MMP26: variants seen among roughly 807,000 people sequenced by gnomAD.
The protein encoded by MMP26 is matrix metallopeptidase 26.
A neutral mutation model predicts 31.0 loss-of-function variants in MMP26; 33 were observed. That is an observed-to-expected ratio of 1.06 (90% CI 0.81 to 1.42). The LOEUF (loss-of-function observed/expected upper bound fraction) is 1.42, where lower values mean the gene tolerates loss of function less well. Ranked by LOEUF, MMP26 falls within the 40% of genes most tolerant of loss-of-function variation. The pLI, the probability that MMP26 is intolerant of heterozygous loss-of-function variation, is 0.00. For synonymous variants in MMP26, 122 were observed against 114.9 expected (o/e 1.06, Z -0.40); for missense variants, 347 against 316.1 (o/e 1.10, Z -0.74).
At position 4,986,936 on chromosome 11, in the gene MMP26, T is replaced by TCC. The variant is rs1564819744; in HGVS notation, c.-144-1131_-144-1130insCC. 8.4e-4 allele frequency among the ~76,000 whole-genome samples: 95 copies of TCC among 113,100 alleles called. 2 individuals carry two copies. The highest frequency in any genetic ancestry group is 2.4e-3 in the East Asian group (6 of 2,510). The allele number at this position is 113,100 out of a possible 152,430, so 74.2% of individuals were successfully genotyped here. On this transcript the variant is annotated intron_variant, in intron 2 of 7. Transcript: ENST00000380390. ...CTCTCTCTCTCTCTCTCTCTCCCTCTCTCTCTCTCTCTCTCTCTCTCTCCC... is the reference window on the plus strand; with the variant it reads ...CTCTCTCTCTCTCTCTCTCTCCCTCTCCCTCTCTCTCTCTCTCTCTCTCTCCC...
At chr11:4,765,998 T>C (rs1848623918) in intron 1 of MMP26, among the ~76,000 whole-genome samples, 1 of 152,232 alleles carries the variant, frequency 6.6e-6, no homozygotes, top group Non-Finnish European at 1.5e-5. Context: ...TTGGTGTTCT[T>C]GTTAAGGTGT....
intron 2 of MMP26, among the ~76,000 whole-genome samples, chr11:4,987,206 A>T (rs921791981): frequency 2.7e-4 from 41 of 151,448 alleles, no homozygotes; most frequent in African/African-American, 9.7e-4. Flanking sequence ...CTAAGGTAAT[A>T]GCTGAAATAT....
chr11:4,984,098 G>A (rs748709291), intron 2 of MMP26, among the ~76,000 whole-genome samples: 12 of 152,120 alleles, frequency 7.9e-5, no homozygotes, highest in Non-Finnish European at 1.0e-4. Context: ...CGGCCCTATC[G>A]GATTGCATGG....
chr11:4,746,586 C>T (rs969068673), intron 1 of MMP26, among the ~76,000 whole-genome samples: 1 of 151,956 alleles, frequency 6.6e-6, no homozygotes, highest in African/African-American at 2.4e-5. Flanking sequence ...GCCTGTAATC[C>T]CAGTACTTTG....
At chr11:4,965,696 CTT>C (rs1337832831) in intron 2 of MMP26, among the ~76,000 whole-genome samples, 3 of 152,154 alleles carry the variant, frequency 2.0e-5, no homozygotes, top group Non-Finnish European at 4.4e-5. Flanking sequence ...GGAATTTGTT[CTT>C]TCGTTGCCTT....
At chr11:4,980,767 A>G (rs1469852937) in intron 2 of MMP26, among the ~76,000 whole-genome samples, 3 of 148,340 alleles carry the variant, frequency 2.0e-5, no homozygotes, top group Non-Finnish European at 4.4e-5. Context: ...GTAAAAATAT[A>G]GTTCATTGAA....
intron 2 of MMP26, chr11:4,943,823 C>A (rs536577201): frequency 2.3e-6 from 1 of 442,790 alleles, no homozygotes; most frequent in East Asian, 7.0e-5. Flanking sequence ...ATTTATGTAT[C>A]TTTATTTTAT....
intron 2 of MMP26, among the ~76,000 whole-genome samples, chr11:4,974,136 A>C (rs1846704047): frequency 6.6e-6 from 1 of 152,112 alleles, no homozygotes; most frequent in African/African-American, 2.4e-5. Flanking sequence ...ACAGATTATA[A>C]CAGGTACAAG....
Position 4,799,155 on chromosome 11 carries a change from G to T in MMP26, c.-145+31814G>T, listed in dbSNP as rs149057084. ...TAAATGTTTATCTTGTTAGTCCATT[G>T]TTTTGCTTTAAGAAAATACCTGAGA... On this transcript the variant is annotated intron_variant, in intron 2 of 7. Transcript: ENST00000380390. Among the ~76,000 whole-genome samples the T allele has an allele frequency of 2.2e-4, 33 of 152,244 alleles. No individual in the cohort carries two copies. The East Asian group carries it at 6.2e-3, about 29-fold the overall frequency.
intron 2 of MMP26, chr11:4,907,754 C>T (rs1397593425): frequency 1.2e-6 from 2 of 1,613,922 alleles, no homozygotes; most frequent in Non-Finnish European, 1.7e-6. Flanking sequence ...CATTCACAAT[C>T]CCTTAAGATA....
intron 2 of MMP26, among the ~76,000 whole-genome samples, chr11:4,956,183 A>G (rs916675050): frequency 1.3e-5 from 2 of 152,186 alleles, no homozygotes; most frequent in Admixed American, 6.5e-5. Flanking sequence ...CACTTACCAG[A>G]GAGTGGATAT....
intron 2 of MMP26, among the ~76,000 whole-genome samples, chr11:4,968,213 T>A (rs1169902673): frequency 1.3e-5 from 2 of 152,114 alleles, no homozygotes; most frequent in East Asian, 3.8e-4. Flanking sequence ...ATTCACAAAT[T>A]TCTATTAACT....
rs909408213 is a variant in MMP26, at chr11:4,943,467, T to C, written c.-144-44601T>C. 4 of 456,238 alleles carry C rather than the reference T, an allele frequency of 8.8e-6. No homozygotes were observed. The Admixed American group carries it at 9.4e-5, about 11-fold the overall frequency. 28.3% of individuals were successfully genotyped at this position (456,238 alleles called of 1,614,324 possible). A position where few individuals can be genotyped will look rare whatever the true frequency, so the allele number is the denominator to read the frequency against. Reference sequence around the variant, plus strand: ...TGGGGCTTAATCATTTGTTATTTGATAGTTACATTTAGACTAAGGTTTTTT... The same window carrying C: ...TGGGGCTTAATCATTTGTTATTTGACAGTTACATTTAGACTAAGGTTTTTT... On this transcript the variant is annotated intron_variant, in intron 2 of 7. Coordinates refer to ENST00000380390, the MANE Select transcript of MMP26 (RefSeq NM_021801.5).
chr11:4,864,797 G>A (rs1302528937), intron 2 of MMP26, among the ~76,000 whole-genome samples: 1 of 152,026 alleles, frequency 6.6e-6, no homozygotes, highest in Non-Finnish European at 1.5e-5. Flanking sequence ...TACAGAAACT[G>A]ATGCCACCAC....
intron 2 of MMP26, chr11:4,943,939 C>T (rs934416455): frequency 8.2e-5 from 34 of 414,322 alleles, no homozygotes; most frequent in Middle Eastern, 3.5e-4. Context: ...GAATAAGATG[C>T]TATTAAAGCC....
At chr11:4,869,708 C>G (rs975695981) in intron 2 of MMP26, among the ~76,000 whole-genome samples, 5 of 152,064 alleles carry the variant, frequency 3.3e-5, no homozygotes, top group South Asian at 4.1e-4. Flanking sequence ...CCCAGCAATC[C>G]CATTACTGGG....
intron 1 of MMP26, among the ~76,000 whole-genome samples, chr11:4,755,920 A>G (rs1848499497): frequency 6.6e-6 from 1 of 152,130 alleles, no homozygotes; most frequent in Non-Finnish European, 1.5e-5. Flanking sequence ...CATCTGGAAA[A>G]TCCAGAGCAT....
intron 2 of MMP26, chr11:4,860,033 G>A (rs1232624071): frequency 2.1e-6 from 1 of 471,160 alleles, no homozygotes; most frequent in Admixed American, 2.4e-5. Flanking sequence ...CAGTATGAAT[G>A]AGACAAGACA....
chr11:4,880,797 G>A (rs1354367696), intron 2 of MMP26, among the ~76,000 whole-genome samples: 1 of 152,138 alleles, frequency 6.6e-6, no homozygotes, highest in Non-Finnish European at 1.5e-5. Flanking sequence ...AGCTTAATAT[G>A]TCAGGGAACT....
Sources: gnomAD v4.1 joint callset for allele counts (sites outside exome capture counted in the v4.1 genomes callset) on GRCh38, gnomAD v4.1.1 for gene constraint, MANE v1.5 for transcripts, NCBI Gene and HGNC (gene_info 2026-07-23, HGNC 2026-07-21) for gene names.